Variants in TXNDC8 observed in about 807,000 individuals in gnomAD.
The protein encoded by TXNDC8 is thioredoxin domain containing 8.
TXNDC8 carries 15 observed loss-of-function variants against 12.9 expected under a neutral mutation model. The ratio of observed to expected loss-of-function variants is 1.16; its 90% confidence interval spans 0.78 to 1.79. TXNDC8 has a LOEUF of 1.79. Ranked by LOEUF, TXNDC8 falls within the 40% of genes most tolerant of loss-of-function variation. The probability of loss-of-function intolerance (pLI) is 0.00; values close to 1 mark genes in which losing one functional copy is unlikely to be tolerated. For synonymous variants in TXNDC8, 40 were observed against 35.4 expected, an observed-to-expected ratio of 1.13 and a Z score of -0.46; for missense variants, 128 against 113.2, an observed-to-expected ratio of 1.13 and a Z score of -0.59.
At position 110,310,861 on chromosome 9, in the gene TXNDC8, C is replaced by T. The variant is rs539329465; in HGVS notation, c.196-6329G>A. Among the ~76,000 whole-genome samples, 6 of 152,162 alleles carry T rather than the reference C, an allele frequency of 3.9e-5. No individual in the cohort carries two copies. In the South Asian group the frequency reaches 1.2e-3, roughly 32 times the overall value. ...GGGGTTACAAAACTATAAACCCAGC[C>T]CAAAACAGAATGAACTTTGCTTGTG... On this transcript the variant is annotated intron_variant, in intron 3 of 4. Coordinates refer to ENST00000423740, the MANE Select transcript of TXNDC8 (RefSeq NM_001286946.2).
chr9:110,320,538 G>A (rs552251320), intron 3 of TXNDC8, among the ~76,000 whole-genome samples: 50 of 152,244 alleles, frequency 3.3e-4, no homozygotes, highest in Non-Finnish European at 5.6e-4. Context: ...GCATGAGAAC[G>A]GATTAATACA....
chr9:110,319,814 G>A (rs898570819), intron 3 of TXNDC8, among the ~76,000 whole-genome samples: 1 of 152,100 alleles, frequency 6.6e-6, no homozygotes, highest in Non-Finnish European at 1.5e-5. Flanking sequence ...AGCATACCAC[G>A]GTATCACCTC....
intron 2 of TXNDC8, among the ~76,000 whole-genome samples, chr9:110,331,646 A>C (rs1839546714): frequency 6.6e-6 from 1 of 151,952 alleles, no homozygotes; most frequent in Non-Finnish European, 1.5e-5. Flanking sequence ...TTTTCCCCAG[A>C]CTGGGGGTGG....
intron 3 of TXNDC8, among the ~76,000 whole-genome samples, chr9:110,305,231 G>A (rs866681443): frequency 1.3e-5 from 2 of 151,280 alleles, no homozygotes; most frequent in Admixed American, 6.6e-5. Context: ...AAGAAAGATG[G>A]AATTCTACGA....
rs557429036 is a variant in TXNDC8 at position 110,335,400 on chromosome 9, C to G, written c.25-1080G>C. On this transcript the variant is annotated intron_variant, in intron 1 of 4. Transcript: ENST00000423740. ...TACAGGTGTGAGCCACCCCGCCCAG[C>G]CTGCGTGTCTTCTTGATGAATGAAT... Among the ~76,000 whole-genome samples the G allele has an allele frequency of 3.3e-5, 5 of 152,194 alleles. No individual in the cohort carries two copies. The East Asian group carries it at 7.7e-4, about 23-fold the overall frequency.
Position 110,329,311 on chromosome 9 carries a change from T to C in TXNDC8, c.130-3071A>G. 6.3e-7 allele frequency: 1 copy of C among 1,577,518 alleles called. No individual in the cohort carries two copies. Among genetic ancestry groups the C allele is most frequent in the Non-Finnish European group, 8.6e-7 (1 of 1,156,254 alleles). ...CATAGCCTTCAAAATAAAAAATAAA[T>C]ATTTCCCATTAGTTTGGTGTTAATA... On this transcript the variant is annotated intron_variant, in intron 2 of 4. Transcript: ENST00000423740.
intron 3 of TXNDC8, among the ~76,000 whole-genome samples, chr9:110,305,287 A>G (rs1031769696): frequency 1.3e-5 from 2 of 151,934 alleles, no homozygotes; most frequent in African/African-American, 2.4e-5. Context: ...CATGATGTTT[A>G]TGAGACTTAC....
chr9:110,318,006 G>C (rs954737143), intron 3 of TXNDC8, among the ~76,000 whole-genome samples: 11 of 152,226 alleles, frequency 7.2e-5, no homozygotes, highest in Non-Finnish European at 1.5e-4. Flanking sequence ...TTGATGATAT[G>C]CCCCTGGTTT....
intron 2 of TXNDC8, among the ~76,000 whole-genome samples, chr9:110,330,865 A>G (rs978392406): frequency 6.6e-6 from 1 of 151,858 alleles, no homozygotes. Context: ...CATAATTTCA[A>G]TCACTTCTTA....
intron 3 of TXNDC8, among the ~76,000 whole-genome samples, chr9:110,317,245 A>G (rs1433712146): frequency 6.6e-6 from 1 of 152,116 alleles, no homozygotes; most frequent in Non-Finnish European, 1.5e-5. Context: ...AGGGATAAAC[A>G]TGGTTTGGGG....
At chr9:110,315,922 G>C (rs978212194) in intron 3 of TXNDC8, among the ~76,000 whole-genome samples, 7 of 151,656 alleles carry the variant, frequency 4.6e-5, no homozygotes, top group Non-Finnish European at 7.4e-5. Flanking sequence ...TTTTGAGACA[G>C]GGTCTTGCTC....
chr9:110,321,124 T>C (rs995813510), intron 3 of TXNDC8, among the ~76,000 whole-genome samples: 4 of 152,226 alleles, frequency 2.6e-5, no homozygotes, highest in Admixed American at 2.0e-4. Flanking sequence ...ATGTTTTATA[T>C]ACTTTGAAAA....
At chr9:110,323,407 G>C in intron 3 of TXNDC8, 1 of 880,746 alleles carries the variant, frequency 1.1e-6, no homozygotes, top group Non-Finnish European at 1.4e-6. Context: ...TGGTGCTTCT[G>C]TGTAGCTAAG....
chr9:110,319,316 G>A (rs966271247), intron 3 of TXNDC8, among the ~76,000 whole-genome samples: 1 of 152,152 alleles, frequency 6.6e-6, no homozygotes, highest in African/African-American at 2.4e-5. Flanking sequence ...GAGCCTTAGA[G>A]GTCTTCATAA....
At chr9:110,308,976 T>C (rs1838561585) in intron 3 of TXNDC8, among the ~76,000 whole-genome samples, 1 of 152,220 alleles carries the variant, frequency 6.6e-6, no homozygotes, top group African/African-American at 2.4e-5. Context: ...TTAGCGTGTG[T>C]AATGGCGAAT....
At chr9:110,325,810 C>T (rs1158481979) in intron 3 of TXNDC8, among the ~76,000 whole-genome samples, 3 of 152,162 alleles carry the variant, frequency 2.0e-5, no homozygotes, top group Admixed American at 1.3e-4. Flanking sequence ...TGAGCCACCG[C>T]GCCCGGCCTG....
intron 3 of TXNDC8, 49 bp downstream of exon 4, chr9:110,326,126 G>C: frequency 1.2e-6 from 2 of 1,600,720 alleles, no homozygotes; most frequent in Non-Finnish European, 1.7e-6. Context: ...GAGGGACTCT[G>C]ATGGTTCTAT....
downstream of TXNDC8, among the ~76,000 whole-genome samples, chr9:110,301,966 T>C (rs1302741663): frequency 6.6e-6 from 1 of 151,976 alleles, no homozygotes; most frequent in Non-Finnish European, 1.5e-5. Context: ...ATATTTTTTA[T>C]TTTTATTTAT....
At position 110,318,703 on chromosome 9, in the gene TXNDC8, C is replaced by A. The variant is rs982034098; in HGVS notation, c.195+7472G>T. On this transcript the variant is annotated intron_variant, in intron 3 of 4. Transcript: ENST00000423740. The stretch of plus-strand genomic sequence containing the variant: ...CAGTGAGCTGAGATAGTGCCACTGC[C>A]CTCCAGCCTGGGCGACAGAGCAAGA... 8.6e-4 allele frequency among the ~76,000 whole-genome samples: 131 copies of A among 151,646 alleles called. 2 individuals are homozygous for A. Among genetic ancestry groups the A allele is most frequent in the Admixed American group, 7.9e-3 (121 of 15,250 alleles).
Sources: gnomAD v4.1 joint callset for allele counts (sites outside exome capture counted in the v4.1 genomes callset) on GRCh38, gnomAD v4.1.1 for gene constraint, MANE v1.5 for transcripts, NCBI Gene and HGNC (gene_info 2026-07-23, HGNC 2026-07-21) for gene names.